Variants in WASHC4 observed in about 807,000 individuals in gnomAD.
WASHC4 encodes the protein WASH complex subunit 7.
A neutral mutation model predicts 166.6 loss-of-function variants in WASHC4; 86 were observed. That is an observed-to-expected ratio of 0.52 (90% CI 0.43 to 0.62). The LOEUF is 0.62. Among genes scored for constraint, WASHC4 ranks in the 20% least tolerant of loss-of-function variants. The pLI is 0.00. For missense variants in WASHC4, 1,262 were observed against 1,382.4 expected (o/e 0.91, Z 1.38); for synonymous variants, 446 against 451.6 (o/e 0.99, Z 0.16).
chr12:105,107,808 T>C lies in WASHC4; in HGVS notation c.8T>C (p.Val3Ala), dbSNP rs1879219099. 2 of 1,550,630 alleles carry C rather than the reference T, an allele frequency of 1.3e-6. No individual in the cohort carries two copies. The highest frequency in any genetic ancestry group is 1.2e-5 in the South Asian group (1 of 84,032). ...GTGGGAGGCGCCGGGGTGATGGCGG[T>C]GGAGACTCTGTCCCCGGACTGGGAG... MA[V>A]ETLSPDWEFD... The change falls in exon 1 of 33, where the codon GTG becomes GCG. Residue 3 changes from valine (V) to alanine (A), a missense_variant. Coordinates refer to ENST00000332180, the MANE Select transcript of WASHC4 (RefSeq NM_015275.3).
At chr12:105,116,016 AAATTGT>A (rs1880144727) in intron 6 of WASHC4, among the ~76,000 whole-genome samples, 1 of 152,188 alleles carries the variant, frequency 6.6e-6, no homozygotes, top group Admixed American at 6.5e-5. Context: ...TGGAAAAGAT[AAATTGT>A]ATCAGGAAAA....
intron 10 of WASHC4, among the ~76,000 whole-genome samples, chr12:105,124,378 G>A (rs1456431166): frequency 1.3e-5 from 2 of 151,718 alleles, no homozygotes; most frequent in Non-Finnish European, 2.9e-5. Flanking sequence ...CTTGGAAATT[G>A]GTGTCACTCA....
rs996305125 is a variant in WASHC4, at chr12:105,148,595, T to C, written c.2515-1020T>C. On this transcript the variant is annotated intron_variant, in intron 24 of 32. Coordinates refer to ENST00000332180, the MANE Select transcript of WASHC4 (RefSeq NM_015275.3). ...GAAAGGATTAAAAACAAAAGACTGTTAAAGAGATTTTTTTAAAAATGCAAA... is the reference window on the plus strand; with the variant it reads ...GAAAGGATTAAAAACAAAAGACTGTCAAAGAGATTTTTTTAAAAATGCAAA... The C allele has an allele frequency of 3.2e-5, 32 of 984,940 alleles. No individual in the cohort carries two copies. The African/African-American group carries it at 5.2e-4, about 16-fold the overall frequency. 61.0% of individuals were successfully genotyped at this position (984,940 alleles called of 1,614,324 possible). A position where few individuals can be genotyped will look rare whatever the true frequency, so the allele number is the denominator to read the frequency against.
chr12:105,143,218 A>G lies in WASHC4; in HGVS notation c.1985A>G (p.Lys662Arg). 6.3e-7 allele frequency: 1 copy of G among 1,594,422 alleles called. No individual in the cohort carries two copies. The highest frequency in any genetic ancestry group is 8.6e-7 in the Non-Finnish European group (1 of 1,162,438). Residue 662 changes from lysine to arginine, a missense_variant, in exon 20 of 33, where the codon AAG becomes AGG. Coordinates refer to ENST00000332180, the MANE Select transcript of WASHC4 (RefSeq NM_015275.3). ...SYEILLDCYD[K>R]EIMEILNEHL... Reference sequence around the variant, plus strand: ...GAGATACTTCTGGATTGCTATGACAAGGAAATTATGGAAATTTTAAATGAG... The same window carrying G: ...GAGATACTTCTGGATTGCTATGACAGGGAAATTATGGAAATTTTAAATGAG...
chr12:105,131,373 A>G (rs1881805129), intron 13 of WASHC4, among the ~76,000 whole-genome samples: 1 of 152,168 alleles, frequency 6.6e-6, no homozygotes, highest in South Asian at 2.1e-4. Context: ...GGCGTGAGCC[A>G]CCGCGCCCGG....
chr12:105,150,031 T>A (rs1883613217), intron 25 of WASHC4, among the ~76,000 whole-genome samples: 1 of 152,210 alleles, frequency 6.6e-6, no homozygotes, highest in Non-Finnish European at 1.5e-5. Flanking sequence ...TCCACCTTCA[T>A]TTCTCTTTCC....
intron 22 of WASHC4, among the ~76,000 whole-genome samples, chr12:105,145,289 G>C (rs950006674): frequency 2.0e-5 from 3 of 151,762 alleles, no homozygotes; most frequent in Non-Finnish European, 4.4e-5. Context: ...TGTGTTTTTT[G>C]TTCTTAAAAT....
At chr12:105,159,210 T>C (rs534637439) in intron 28 of WASHC4, among the ~76,000 whole-genome samples, 50 of 152,336 alleles carry the variant, frequency 3.3e-4, no homozygotes, top group African/African-American at 1.2e-3. Context: ...TTAAAAAATA[T>C]TTTGAAGCAG....
rs150113047 is a variant in WASHC4, at chr12:105,123,643, G to T, written c.786+1405G>T. On this transcript the variant is annotated intron_variant, in intron 10 of 32. Transcript: ENST00000332180. ...CACAGGTTGGTTTATGAGGTTTAAGGAAGGAAGCTGTCTCCATAACATTAA... is the reference window on the plus strand; with the variant it reads ...CACAGGTTGGTTTATGAGGTTTAAGTAAGGAAGCTGTCTCCATAACATTAA... Among the ~76,000 whole-genome samples the T allele has an allele frequency of 2.6e-5, 4 of 152,324 alleles. No homozygotes were observed. In the East Asian group the frequency reaches 7.7e-4, roughly 29 times the overall value.
At chr12:105,141,990 GT>G (rs1301734997) in intron 18 of WASHC4, among the ~76,000 whole-genome samples, 2 of 127,496 alleles carry the variant, frequency 1.6e-5, no homozygotes, top group African/African-American at 6.7e-5. Flanking sequence ...TTAAGTGTGG[GT>G]TTTTTTTTGG....
At chr12:105,135,005 G>A (rs1287721177) in intron 14 of WASHC4, among the ~76,000 whole-genome samples, 1 of 151,582 alleles carries the variant, frequency 6.6e-6, no homozygotes, top group Non-Finnish European at 1.5e-5. Flanking sequence ...GACATTTTAA[G>A]ATGTATCGTT....
At chr12:105,147,226 C>T (rs531059708) in intron 24 of WASHC4, 80 bp downstream of exon 24, 71 of 837,170 alleles carry the variant, frequency 8.5e-5, no homozygotes, top group Admixed American at 2.8e-4. Context: ...TAGAATATTG[C>T]GGTAAACATA....
At position 105,140,931 on chromosome 12, in the gene WASHC4, A is replaced by C; in HGVS notation, c.1593A>C (p.Glu531Asp). 1 of 1,614,156 alleles carries C rather than the reference A, an allele frequency of 6.2e-7. No homozygotes were observed. Residue 531 changes from glutamate (E) to aspartate (D), a missense_variant, in exon 17 of 33, where the codon GAA becomes GAC. Coordinates refer to ENST00000332180, the MANE Select transcript of WASHC4 (RefSeq NM_015275.3). ...KRVISDKKYS[E>D]QRLDVLSALV... ...TGATTTCTGACAAAAAATACAGCGAACAGCGTCTTGATGTGCTCTCTGCTC... is the reference window on the plus strand; with the variant it reads ...TGATTTCTGACAAAAAATACAGCGACCAGCGTCTTGATGTGCTCTCTGCTC...
At chr12:105,120,175 G>T (rs1053479220) in intron 7 of WASHC4, among the ~76,000 whole-genome samples, 3 of 152,232 alleles carry the variant, frequency 2.0e-5, no homozygotes, top group Non-Finnish European at 4.4e-5. Flanking sequence ...AGTTTAGAAA[G>T]ATATGAATAC....
At chr12:105,161,066 C>T (rs1245767918) in intron 29 of WASHC4, among the ~76,000 whole-genome samples, 1 of 151,978 alleles carries the variant, frequency 6.6e-6, no homozygotes, top group African/African-American at 2.4e-5. Flanking sequence ...GCTTAAGGTT[C>T]CTATAAAGTT....
intron 30 of WASHC4, among the ~76,000 whole-genome samples, chr12:105,163,455 G>T (rs1200557926): frequency 6.6e-6 from 1 of 151,928 alleles, no homozygotes; most frequent in African/African-American, 2.4e-5. Flanking sequence ...AGTTTCTCTG[G>T]TTTCCTTGTA....
At chr12:105,129,313 GACCTCAGGTGATCC>G (rs1881580160) in intron 13 of WASHC4, among the ~76,000 whole-genome samples, 1 of 152,174 alleles carries the variant, frequency 6.6e-6, no homozygotes, top group Non-Finnish European at 1.5e-5. Flanking sequence ...TTGAACTCCT[GACCTCAGGTGATCC>G]GCCACCTCGG....
In WASHC4 at chr12:105,133,045, A is replaced by T. The variant is rs376535684; in HGVS notation, c.1200-725A>T. ...ACTCATCAGATCCTCTTGAAACTAAACTTAGATCAAGTTACTTTGCTCAGA... is the reference window on the plus strand; with the variant it reads ...ACTCATCAGATCCTCTTGAAACTAATCTTAGATCAAGTTACTTTGCTCAGA... On this transcript the variant is annotated intron_variant, in intron 13 of 32. Transcript: ENST00000332180. Among the ~76,000 whole-genome samples the T allele has an allele frequency of 7.2e-5, 11 of 152,092 alleles. No homozygotes were observed. The South Asian group carries it at 2.3e-3, about 32-fold the overall frequency.
chr12:105,144,730 A>T lies in WASHC4; in HGVS notation c.2192A>T (p.His731Leu). 6.2e-7 allele frequency: 1 copy of T among 1,610,540 alleles called. No individual in the cohort carries two copies. Among genetic ancestry groups the T allele is most frequent in the Non-Finnish European group, 8.5e-7 (1 of 1,178,518 alleles). Residue 731 changes from histidine (H) to leucine (L), a missense_variant, in exon 22 of 33, where the codon CAC (histidine) becomes CTC (leucine). Coordinates refer to ENST00000332180, the MANE Select transcript of WASHC4 (RefSeq NM_015275.3). The part of the protein sequence containing the change: ...RFIDIRAYVT[H>L]YLDKTFYNLT... Reference sequence around the variant, plus strand: ...TTTTTTTTGGTAGCTTACGTAACTCACTACCTAGACAAGACTTTCTACAAT... The same window carrying T: ...TTTTTTTTGGTAGCTTACGTAACTCTCTACCTAGACAAGACTTTCTACAAT...
Sources: gnomAD v4.1 joint callset for allele counts (sites outside exome capture counted in the v4.1 genomes callset) on GRCh38, gnomAD v4.1.1 for gene constraint, MANE v1.5 for transcripts, NCBI Gene and HGNC (gene_info 2026-07-23, HGNC 2026-07-21) for gene names.